Variants in ZC3H3 observed in about 807,000 individuals in gnomAD.
The protein encoded by ZC3H3 is zinc finger CCCH-type containing 3.
ZC3H3 carries 36 observed loss-of-function variants against 77.3 expected under a neutral mutation model. The observed-to-expected ratio is 0.47, with a 90% confidence interval of 0.36 to 0.61. The LOEUF (loss-of-function observed/expected upper bound fraction) is 0.61, where lower values mean the gene tolerates loss of function less well. Among genes scored for constraint, ZC3H3 ranks in the 20% least tolerant of loss-of-function variants. ZC3H3 has a pLI of 0.00. For missense variants in ZC3H3, 1,331 were observed against 1,312.2 expected (o/e 1.01, Z -0.22); for synonymous variants, 626 against 555.2 (o/e 1.13, Z -1.79).
At position 143,493,540 on chromosome 8, in the gene ZC3H3, G is replaced by C. The variant is rs1821265204; in HGVS notation, c.1715+14206C>G. On this transcript the variant is annotated intron_variant, in intron 4 of 11. Coordinates refer to ENST00000262577, the MANE Select transcript of ZC3H3 (RefSeq NM_015117.3). The surrounding 1 kb of genome is among the most constrained non-coding windows in gnomAD (Gnocchi z 4.8). ...TGCCAGCTCAGCCCTGCTGCCATGG[G>C]CACTGCCAAGGACTCCACTCACAAA... Among the ~76,000 whole-genome samples, 1 of 152,206 alleles carries C rather than the reference G, an allele frequency of 6.6e-6. No individual in the cohort carries two copies. The highest frequency in any genetic ancestry group is 1.5e-5 in the Non-Finnish European group (1 of 68,024).
intron 3 of ZC3H3, among the ~76,000 whole-genome samples, chr8:143,535,962 G>A (rs1822781373): frequency 6.6e-6 from 1 of 152,238 alleles, no homozygotes; most frequent in African/African-American, 2.4e-5. Flanking sequence ...TAAGGGCTCA[G>A]CAGCCGCCGC....
chr8:143,537,967 C>A (rs761295925), intron 2 of ZC3H3, 36 bp downstream of exon 2: 1 of 1,556,034 alleles, frequency 6.4e-7, no homozygotes, highest in East Asian at 2.2e-5. Context: ...TCCTCACAGC[C>A]CCTCACACTC....
intron 3 of ZC3H3, among the ~76,000 whole-genome samples, chr8:143,516,179 A>G (rs1822034625): frequency 6.6e-6 from 1 of 152,172 alleles, no homozygotes; most frequent in Non-Finnish European, 1.5e-5. Flanking sequence ...CCAGGACCGC[A>G]CTCTAACAAG....
Position 143,498,977 on chromosome 8 carries a change from G to A in ZC3H3, c.1715+8769C>T, listed in dbSNP as rs149846262. Among the ~76,000 whole-genome samples the A allele has an allele frequency of 8.3e-3, 1,261 of 151,118 alleles. 19 individuals carry two copies. The highest frequency in any genetic ancestry group is 0.029 in the African/African-American group (1,195 of 41,040). On this transcript the variant is annotated intron_variant, in intron 4 of 11. Coordinates refer to ENST00000262577, the MANE Select transcript of ZC3H3 (RefSeq NM_015117.3). The stretch of plus-strand genomic sequence containing the variant: ...AGGGCGGGGAAGAGGGGCACAGGGC[G>A]GGCAGGGGCAGAGGCAGAGCCATGG...
chr8:143,508,028 T>C (rs1821760715), intron 3 of ZC3H3, 129 bp from the exon 4 acceptor site: 2 of 1,132,314 alleles, frequency 1.8e-6, no homozygotes, highest in South Asian at 1.9e-5. Flanking sequence ...CATCGCCCCG[T>C]GGATAAAACC....
intron 4 of ZC3H3, among the ~76,000 whole-genome samples, chr8:143,497,856 G>A (rs1322672808): frequency 3.3e-5 from 5 of 152,222 alleles, no homozygotes; most frequent in Non-Finnish European, 7.3e-5. Flanking sequence ...ACTCGAACAC[G>A]CTGTGCCTCC....
intron 9 of ZC3H3, among the ~76,000 whole-genome samples, chr8:143,446,847 G>C (rs945816536): frequency 6.6e-6 from 1 of 152,228 alleles, no homozygotes; most frequent in Non-Finnish European, 1.5e-5. Flanking sequence ...ACTGGGGCCC[G>C]CAACCGGAGA....
chr8:143,510,139 A>G (rs1821827338), intron 3 of ZC3H3, among the ~76,000 whole-genome samples: 1 of 152,210 alleles, frequency 6.6e-6, no homozygotes, highest in South Asian at 2.1e-4. Flanking sequence ...TTAGTGCCCA[A>G]GTGTCACTCC....
chr8:143,445,591 G>C (rs1467337610), intron 9 of ZC3H3, among the ~76,000 whole-genome samples: 1 of 151,432 alleles, frequency 6.6e-6, no homozygotes, highest in Non-Finnish European at 1.5e-5. Context: ...TGCTTGAGAG[G>C]CTGAGGCAGG....
Position 143,460,677 on chromosome 8 carries a change from C to T in ZC3H3, c.2307+5040G>A, listed in dbSNP as rs1003514652. Among the ~76,000 whole-genome samples, 4 of 152,166 alleles carry T rather than the reference C, an allele frequency of 2.6e-5. No individual in the cohort carries two copies. Among genetic ancestry groups the T allele is most frequent in the Non-Finnish European group, 5.9e-5 (4 of 68,034 alleles). On this transcript the variant is annotated intron_variant, in intron 9 of 11. Coordinates refer to ENST00000262577, the MANE Select transcript of ZC3H3 (RefSeq NM_015117.3). This position sits in a 1 kb window ranked among gnomAD's most constrained non-coding sequence, Gnocchi z 4.0. Reference sequence around the variant, plus strand: ...CCAGCACACGAAGGAACTAACAAAACGCAGTGCACACACAACGGAATGTTA... The same window carrying T: ...CCAGCACACGAAGGAACTAACAAAATGCAGTGCACACACAACGGAATGTTA...
rs560315008 is a variant in ZC3H3 at position 143,533,863 on chromosome 8, A to G, written c.1561+2394T>C. On this transcript the variant is annotated intron_variant, in intron 3 of 11. Coordinates refer to ENST00000262577, the MANE Select transcript of ZC3H3 (RefSeq NM_015117.3). The surrounding 1 kb of genome is among the most constrained non-coding windows in gnomAD (Gnocchi z 4.0). Reference sequence around the variant, plus strand: ...GCTAATTTTTGTATTTTTAGTAGAGACGGGGTTTTGCCATGTTGCCAAGGC... The same window carrying G: ...GCTAATTTTTGTATTTTTAGTAGAGGCGGGGTTTTGCCATGTTGCCAAGGC... 3.9e-5 allele frequency among the ~76,000 whole-genome samples: 6 copies of G among 151,920 alleles called. No individual in the cohort carries two copies. The highest frequency in any genetic ancestry group is 1.3e-4 in the Admixed American group (2 of 15,272).
At chr8:143,526,939 A>T (rs1822430248) in intron 3 of ZC3H3, among the ~76,000 whole-genome samples, 1 of 152,178 alleles carries the variant, frequency 6.6e-6, no homozygotes, top group Admixed American at 6.5e-5. Context: ...GCAGGAGGCA[A>T]GCAGCACAAG....
In ZC3H3 at chr8:143,460,694, G is replaced by A. The variant is rs191645203; in HGVS notation, c.2307+5023C>T. Among the ~76,000 whole-genome samples, 14 of 152,228 alleles carry A rather than the reference G, an allele frequency of 9.2e-5. No individual in the cohort carries two copies. The highest frequency in any genetic ancestry group is 6.5e-4 in the Admixed American group (10 of 15,292). On this transcript the variant is annotated intron_variant, in intron 9 of 11. Coordinates refer to ENST00000262577, the MANE Select transcript of ZC3H3 (RefSeq NM_015117.3). The surrounding 1 kb of genome is among the most constrained non-coding windows in gnomAD (Gnocchi z 4.0). ...TAACAAAACGCAGTGCACACACAAC[G>A]GAATGTTACTCTACCATAAGAAAGG... is the stretch of plus-strand genomic sequence containing the variant.
chr8:143,537,774 C>T (rs967902508), intron 2 of ZC3H3, among the ~76,000 whole-genome samples: 8 of 152,344 alleles, frequency 5.3e-5, no homozygotes, highest in East Asian at 1.9e-4. Context: ...AAAGGATGGG[C>T]TTGCCAGCAG....
intron 9 of ZC3H3, among the ~76,000 whole-genome samples, chr8:143,450,643 G>A (rs1819964453): frequency 6.6e-6 from 1 of 152,192 alleles, no homozygotes; most frequent in Non-Finnish European, 1.5e-5. Context: ...AGCAGGTCGA[G>A]AGAGGGGGCT....
At chr8:143,441,313 C>A (rs965413619) in intron 9 of ZC3H3, among the ~76,000 whole-genome samples, 193 bp from the exon 10 acceptor site, 2 of 152,190 alleles carry the variant, frequency 1.3e-5, no homozygotes, top group African/African-American at 4.8e-5. Flanking sequence ...TGGGCCCTCA[C>A]CCACCCACAA....
chr8:143,481,758 C>T (rs960127632), intron 4 of ZC3H3, among the ~76,000 whole-genome samples: 1 of 152,234 alleles, frequency 6.6e-6, no homozygotes, highest in African/African-American at 2.4e-5. Context: ...ACTAGCTGGC[C>T]CTCCTGCTCC....
At chr8:143,510,967 C>T (rs1200140360) in intron 3 of ZC3H3, among the ~76,000 whole-genome samples, 1 of 152,254 alleles carries the variant, frequency 6.6e-6, no homozygotes, top group South Asian at 2.1e-4. Flanking sequence ...CAAGAGGTCA[C>T]TTCTAATGAC....
intron 2 of ZC3H3, among the ~76,000 whole-genome samples, chr8:143,536,787 C>G (rs572902891): frequency 6.6e-6 from 1 of 152,138 alleles, no homozygotes; most frequent in Non-Finnish European, 1.5e-5. Context: ...GGAGCCTCTA[C>G]GTGGGGCAAA....
Sources: allele counts gnomAD v4.1 joint callset (sites outside exome capture counted in the v4.1 genomes callset), GRCh38; gene constraint gnomAD v4.1.1; non-coding constraint Gnocchi (gnomAD v3.1); transcripts MANE v1.5; gene names NCBI Gene and HGNC (gene_info 2026-07-23, HGNC 2026-07-21).